MGAT4C: variants seen among roughly 807,000 people sequenced by gnomAD.
The protein encoded by MGAT4C is MGAT4 family member C.
A neutral mutation model predicts 40.1 loss-of-function variants in MGAT4C; 19 were observed. That is an observed-to-expected ratio of 0.47 (90% CI 0.33 to 0.70). The LOEUF is 0.70. Among genes scored for constraint, MGAT4C ranks in the 30% least tolerant of loss-of-function variants. The pLI, the probability that MGAT4C is intolerant of heterozygous loss-of-function variation, is 0.02. For missense variants in MGAT4C, 491 were observed against 563.2 expected (o/e 0.87, Z 1.30); for synonymous variants, 181 against 187.1 (o/e 0.97, Z 0.27).
intron 1 of MGAT4C, among the ~76,000 whole-genome samples, chr12:86,104,697 AGCCATAGTATTT>A (rs905611132): frequency 6.6e-5 from 10 of 152,200 alleles, no homozygotes; most frequent in African/African-American, 2.2e-4. Flanking sequence ...AATCGAAATA[AGCCATAGTATTT>A]GTTGAATAGT....
intron 3 of MGAT4C, among the ~76,000 whole-genome samples, chr12:86,393,802 A>C (rs1325404426): frequency 6.6e-6 from 1 of 152,148 alleles, no homozygotes; most frequent in East Asian, 1.9e-4. Flanking sequence ...AATGCCTAGG[A>C]ATTATGAGAC....
intron 1 of MGAT4C, among the ~76,000 whole-genome samples, chr12:86,132,021 A>AT (rs1881256735): frequency 6.6e-6 from 1 of 152,096 alleles, no homozygotes; most frequent in Non-Finnish European, 1.5e-5. Context: ...AATTCCATAA[A>AT]TTTTTTTGAT....
intron 3 of MGAT4C, among the ~76,000 whole-genome samples, chr12:86,351,625 C>T (rs74860767): frequency 6.6e-6 from 1 of 151,790 alleles, no homozygotes; most frequent in Admixed American, 6.6e-5. Flanking sequence ...TGGTAATTAA[C>T]CCTGAGGAAT....
At chr12:86,001,445 A>T (rs1242707480) in intron 2 of MGAT4C, 1 of 174,022 alleles carries the variant, frequency 5.7e-6, no homozygotes, top group Non-Finnish European at 1.1e-5. Context: ...ATAGGATCAA[A>T]TTCATTATTG....
intron 2 of MGAT4C, among the ~76,000 whole-genome samples, chr12:86,603,568 CTATAGATAATA>C (rs1961902275): frequency 9.2e-6 from 1 of 109,158 alleles, no homozygotes; most frequent in South Asian, 2.6e-4. Flanking sequence ...AGTCTATAGA[CTATAGATAATA>C]TATAGTCATA....
At chr12:86,823,818 G>T (rs1045874517) in intron 1 of MGAT4C, among the ~76,000 whole-genome samples, 1 of 151,076 alleles carries the variant, frequency 6.6e-6, no homozygotes, top group African/African-American at 2.4e-5. Context: ...GAAAACAGTA[G>T]AAGTGAAACA....
chr12:86,127,291 T>A (rs1880441758), intron 1 of MGAT4C, among the ~76,000 whole-genome samples: 1 of 152,220 alleles, frequency 6.6e-6, no homozygotes, highest in Non-Finnish European at 1.5e-5. Flanking sequence ...TAAGTATTTG[T>A]GTATTCAAAC....
chr12:86,166,814 T>C (rs1243475415), intron 1 of MGAT4C, among the ~76,000 whole-genome samples: 1 of 151,870 alleles, frequency 6.6e-6, no homozygotes, highest in South Asian at 2.1e-4. Flanking sequence ...AAAAATTAAA[T>C]AAAGCAAAAT....
At chr12:86,727,250 G>T (rs1419045134) in intron 1 of MGAT4C, 2 of 152,058 alleles carry the variant, frequency 1.3e-5, no homozygotes, top group South Asian at 2.1e-4. Flanking sequence ...AGCTGTCAAG[G>T]AGAAAAATGC....
At chr12:86,245,243 G>A (rs1399569392) in intron 1 of MGAT4C, among the ~76,000 whole-genome samples, 2 of 152,090 alleles carry the variant, frequency 1.3e-5, no homozygotes, top group Admixed American at 1.3e-4. Context: ...TCCAGCCCTC[G>A]AGTTCTCTTG....
At chr12:86,477,126 T>C (rs1479003385) in intron 2 of MGAT4C, among the ~76,000 whole-genome samples, 2 of 151,832 alleles carry the variant, frequency 1.3e-5, no homozygotes, top group Non-Finnish European at 2.9e-5. Context: ...AGTGAAAATA[T>C]ACTTAATATT....
At chr12:86,653,124 A>G (rs1299697986) in intron 2 of MGAT4C, among the ~76,000 whole-genome samples, 2 of 151,904 alleles carry the variant, frequency 1.3e-5, no homozygotes, top group African/African-American at 4.8e-5. Context: ...GATACAATAA[A>G]CTATTATGAT....
At chr12:86,179,866 T>G (rs1473528023) in intron 1 of MGAT4C, among the ~76,000 whole-genome samples, 1 of 152,056 alleles carries the variant, frequency 6.6e-6, no homozygotes, top group African/African-American at 2.4e-5. Flanking sequence ...GAAAAATCCA[T>G]TTTTTGAGGA....
chr12:86,231,711 A>C (rs570077344), intron 1 of MGAT4C, among the ~76,000 whole-genome samples: 1 of 152,186 alleles, frequency 6.6e-6, no homozygotes, highest in African/African-American at 2.4e-5. Flanking sequence ...TCTAACATTC[A>C]TTTTGGTAAT....
chr12:86,207,496 T>C (rs954623274), intron 1 of MGAT4C, among the ~76,000 whole-genome samples: 1 of 151,944 alleles, frequency 6.6e-6, no homozygotes, highest in African/African-American at 2.4e-5. Context: ...TGTGTCCATG[T>C]GTTCTACACT....
intron 2 of MGAT4C, among the ~76,000 whole-genome samples, chr12:86,438,439 G>A (rs1299238019): frequency 6.6e-6 from 1 of 151,958 alleles, no homozygotes; most frequent in Non-Finnish European, 1.5e-5. Context: ...TGCAGAAGCT[G>A]AAGCAAGTTA....
chr12:86,412,034 C>T (rs540185436), intron 3 of MGAT4C, among the ~76,000 whole-genome samples: 7 of 152,240 alleles, frequency 4.6e-5, no homozygotes, highest in East Asian at 3.9e-4. Flanking sequence ...GCACAGAGGA[C>T]GAGAGTTAAG....
chr12:86,793,007 C>T (rs777012478), intron 1 of MGAT4C, among the ~76,000 whole-genome samples: 1 of 152,132 alleles, frequency 6.6e-6, no homozygotes, highest in African/African-American at 2.4e-5. Context: ...TTAATAGGTA[C>T]ATTTTGAGAC....
At chr12:86,402,317 C>T (rs1386432250) in intron 3 of MGAT4C, among the ~76,000 whole-genome samples, 18 of 151,816 alleles carry the variant, frequency 1.2e-4, no homozygotes, top group African/African-American at 3.1e-4. Context: ...CCCAGCTACT[C>T]GGGAGGTTGA....
Sources: gnomAD v4.1 joint callset for allele counts (sites outside exome capture counted in the v4.1 genomes callset) on GRCh38, gnomAD v4.1.1 for gene constraint, MANE v1.5 for transcripts, NCBI Gene and HGNC (gene_info 2026-07-23, HGNC 2026-07-21) for gene names.